CFAP54: variants seen among roughly 807,000 people sequenced by gnomAD.
CFAP54 encodes cilia and flagella associated protein 54, also known as cilia- and flagella-associated protein 54.
Under a neutral mutation model 370.4 loss-of-function variants are expected in CFAP54, and 290 were observed. The observed-to-expected ratio is 0.78, with a 90% confidence interval of 0.71 to 0.86. The LOEUF is 0.86. CFAP54 is among the 40% of genes least tolerant of loss of function. The pLI is 0.00. For missense variants in CFAP54, 3,399 were observed against 3,528.7 expected (o/e 0.96, Z 0.93); for synonymous variants, 1,206 against 1,236.5 (o/e 0.98, Z 0.52).
At chr12:96,649,006 TG>T (rs1254716505) in intron 34 of CFAP54, among the ~76,000 whole-genome samples, 1 of 152,198 alleles carries the variant, frequency 6.6e-6, no homozygotes, top group East Asian at 1.9e-4. Context: ...ACCAATGATA[TG>T]GTTCATTTCA....
At chr12:96,807,815 A>G (rs1378846535) in intron 63 of CFAP54, among the ~76,000 whole-genome samples, 1 of 152,196 alleles carries the variant, frequency 6.6e-6, no homozygotes, top group African/African-American at 2.4e-5. Context: ...AGGAGCCAGG[A>G]GTGATCATGA....
chr12:96,599,956 G>T (rs1195272303), intron 26 of CFAP54, among the ~76,000 whole-genome samples: 4 of 152,144 alleles, frequency 2.6e-5, no homozygotes, highest in Non-Finnish European at 4.4e-5. Context: ...TCTGTAGGTT[G>T]CCTGTTCGCT....
intron 50 of CFAP54, among the ~76,000 whole-genome samples, chr12:96,737,976 C>T (rs200929519): frequency 2.6e-5 from 4 of 152,094 alleles, no homozygotes; most frequent in Non-Finnish European, 5.9e-5. Flanking sequence ...GGCCCTGGAA[C>T]GTGTAAATCT....
intron 64 of CFAP54, among the ~76,000 whole-genome samples, chr12:96,814,424 G>T (rs940566752): frequency 1.3e-5 from 2 of 152,162 alleles, no homozygotes; most frequent in Admixed American, 6.5e-5. Context: ...GTAGTCTAAG[G>T]TTTCATGGCT....
intron 15 of CFAP54, among the ~76,000 whole-genome samples, chr12:96,548,806 A>G (rs1176806726): frequency 1.3e-5 from 2 of 152,016 alleles, no homozygotes; most frequent in Non-Finnish European, 2.9e-5. Context: ...CACTCCAGAC[A>G]TATGCAATCA....
chr12:96,618,809 C>T (rs898852572), intron 26 of CFAP54, among the ~76,000 whole-genome samples: 4 of 152,172 alleles, frequency 2.6e-5, no homozygotes, highest in Non-Finnish European at 5.9e-5. Flanking sequence ...ACTTGCTGGC[C>T]AGGACCCCCA....
In CFAP54 at chr12:96,489,839, A is replaced by G. The variant is rs1465955095; in HGVS notation, c.230A>G (p.Lys77Arg). 6.5e-7 allele frequency: 1 copy of G among 1,536,124 alleles called. No homozygotes were observed. The highest frequency in any genetic ancestry group is 1.2e-5 in the South Asian group (1 of 84,062). Residue 77 changes from lysine to arginine, a missense_variant, in exon 1 of 68, where the codon AAG becomes AGG. Lys to Arg is a conservative substitution (Grantham distance 26, BLOSUM62 2). Transcript: ENST00000524981. ...AACCCGCTCCTGGCCTCTTGTGAGAAGGAGATCCAGGAGTTGTTAGGCTTT... is the reference window on the plus strand; with the variant it reads ...AACCCGCTCCTGGCCTCTTGTGAGAGGGAGATCCAGGAGTTGTTAGGCTTT... ...AKNPLLASCEKEIQELLGFMR... is the reference protein window; with the variant it reads ...AKNPLLASCEREIQELLGFMR...
rs777184091 is a variant in CFAP54, at chr12:96,561,870, C to T, written c.2411-2598C>T. On this transcript the variant is annotated intron_variant, in intron 17 of 67. Transcript: ENST00000524981. Reference sequence around the variant, plus strand: ...GTGCGATCTCAGCTCACTGCAACCTCGGCCTCCTGGGTTCAAGCAATTCTC... The same window carrying T: ...GTGCGATCTCAGCTCACTGCAACCTTGGCCTCCTGGGTTCAAGCAATTCTC... Among the ~76,000 whole-genome samples, 19 of 149,066 alleles carry T rather than the reference C, an allele frequency of 1.3e-4. No individual in the cohort carries two copies. In the East Asian group the frequency reaches 2.0e-3, roughly 16 times the overall value.
intron 43 of CFAP54, among the ~76,000 whole-genome samples, chr12:96,690,644 T>A (rs1190020996): frequency 6.6e-6 from 1 of 152,144 alleles, no homozygotes; most frequent in African/African-American, 2.4e-5. Flanking sequence ...AGTTTTTTTT[T>A]ATTTGTTTGT....
intron 50 of CFAP54, among the ~76,000 whole-genome samples, chr12:96,737,216 G>C (rs1486561790): frequency 6.6e-6 from 1 of 152,040 alleles, no homozygotes; most frequent in African/African-American, 2.4e-5. Context: ...CACTCAAAAA[G>C]CTTTAGATTT....
intron 66 of CFAP54, among the ~76,000 whole-genome samples, chr12:96,852,935 C>T (rs748834859): frequency 8.5e-5 from 13 of 152,064 alleles, no homozygotes; most frequent in East Asian, 3.9e-4. Context: ...CAAAACATAC[C>T]GGAACAGCCA....
intron 47 of CFAP54, among the ~76,000 whole-genome samples, chr12:96,705,412 T>C (rs368576146): frequency 2.6e-5 from 4 of 152,168 alleles, no homozygotes; most frequent in African/African-American, 9.7e-5. Context: ...ATCCTTCAGA[T>C]GATTCATTGT....
intron 15 of CFAP54, among the ~76,000 whole-genome samples, chr12:96,552,704 C>T (rs1451849792): frequency 6.6e-6 from 1 of 152,158 alleles, no homozygotes; most frequent in Non-Finnish European, 1.5e-5. Flanking sequence ...ACATATTCCT[C>T]CAAGTAACAC....
intron 25 of CFAP54, among the ~76,000 whole-genome samples, chr12:96,595,030 T>C (rs1457913035): frequency 6.6e-6 from 1 of 152,212 alleles, no homozygotes; most frequent in Admixed American, 6.5e-5. Context: ...TAGGGTCTTA[T>C]GAGGTTGAAA....
At chr12:96,538,783 C>T (rs1481435861) in intron 13 of CFAP54, 4 of 374,594 alleles carry the variant, frequency 1.1e-5, no homozygotes, top group Non-Finnish European at 2.0e-5. Flanking sequence ...GAGTCTTGCT[C>T]TGTCCTGGAG....
At chr12:96,562,394 T>C (rs1216612440) in intron 17 of CFAP54, among the ~76,000 whole-genome samples, 1 of 151,728 alleles carries the variant, frequency 6.6e-6, no homozygotes, top group Non-Finnish European at 1.5e-5. Flanking sequence ...TTCAATTTGA[T>C]ACATACTTGT....
chr12:96,581,146 T>C, intron 22 of CFAP54, 41 bp downstream of exon 22: 1 of 1,332,212 alleles, frequency 7.5e-7, no homozygotes, highest in Middle Eastern at 1.9e-4. Context: ...TGTGTTTTTT[T>C]TTCCATTAAG....
intron 34 of CFAP54, among the ~76,000 whole-genome samples, chr12:96,649,221 G>A (rs1956831798): frequency 6.6e-6 from 1 of 152,192 alleles, no homozygotes; most frequent in Non-Finnish European, 1.5e-5. Context: ...TCACAGGTAT[G>A]TGCATATCAT....
intron 26 of CFAP54, among the ~76,000 whole-genome samples, chr12:96,606,701 G>A (rs78038517): frequency 0.088 from 13,381 of 152,196 alleles, 774 homozygotes; most frequent in Middle Eastern, 0.14. Flanking sequence ...AAGGCTGGAG[G>A]GGGTATCTTA....
Sources: allele counts gnomAD v4.1 joint callset (sites outside exome capture counted in the v4.1 genomes callset), GRCh38; gene constraint gnomAD v4.1.1; transcripts MANE v1.5; gene names NCBI Gene and HGNC (gene_info 2026-07-23, HGNC 2026-07-21).